ATAD2: variants seen among roughly 807,000 people sequenced by gnomAD.
The protein encoded by ATAD2 is ATPase family AAA domain-containing protein 2.
In ATAD2, 62 loss-of-function variants were observed where a neutral mutation model predicts 168.9. The ratio of observed to expected loss-of-function variants is 0.37; its 90% CI spans 0.30 to 0.45. The LOEUF (loss-of-function observed/expected upper bound fraction) is 0.45, where lower values mean the gene tolerates loss of function less well. Among genes scored for constraint, ATAD2 ranks in the 20% least tolerant of loss-of-function variants. The pLI is 1.00. For synonymous variants in ATAD2, 613 were observed against 571.6 expected, an observed-to-expected ratio of 1.07 and a Z score of -1.03; for missense variants, 1,419 against 1,667.8, an observed-to-expected ratio of 0.85 and a Z score of 2.60.
chr8:123,390,914 G>A (rs1034456863), intron 1 of ATAD2, among the ~76,000 whole-genome samples: 5 of 152,144 alleles, frequency 3.3e-5, no homozygotes, highest in Non-Finnish European at 7.4e-5. Flanking sequence ...CAGCTACTCC[G>A]GAGGCTGAGG....
intron 1 of ATAD2, among the ~76,000 whole-genome samples, chr8:123,413,231 C>T (rs1026325756): frequency 3.3e-5 from 5 of 149,654 alleles, no homozygotes; most frequent in African/African-American, 9.8e-5. Flanking sequence ...AGCGCCCCCC[C>T]CCCCCCAACT....
intron 2 of ATAD2, 58 bp from the exon 3 acceptor site, chr8:123,372,744 A>G: frequency 7.2e-7 from 1 of 1,392,394 alleles, no homozygotes. Flanking sequence ...ATTTTTATTT[A>G]TTTAGATGGG....
intron 1 of ATAD2, among the ~76,000 whole-genome samples, chr8:123,404,921 C>T (rs7837938): frequency 0.99 from 151,033 of 152,336 alleles, 74,873 homozygotes; most frequent in East Asian, 1. Context: ...TTTGAGATCT[C>T]AGTTATATCT....
intron 26 of ATAD2, among the ~76,000 whole-genome samples, chr8:123,324,723 T>A (rs528074293): frequency 6.6e-6 from 1 of 152,246 alleles, no homozygotes; most frequent in Admixed American, 6.5e-5. Flanking sequence ...GTTACAGATA[T>A]GGCAAGAAGA....
At chr8:123,373,334 C>T (rs946109431) in intron 2 of ATAD2, among the ~76,000 whole-genome samples, 3 of 152,086 alleles carry the variant, frequency 2.0e-5, no homozygotes, top group African/African-American at 7.2e-5. Flanking sequence ...TAGGTATGAG[C>T]CACCATACCT....
At chr8:123,381,816 G>A (rs956794764) in intron 1 of ATAD2, among the ~76,000 whole-genome samples, 2 of 152,104 alleles carry the variant, frequency 1.3e-5, no homozygotes, top group African/African-American at 4.8e-5. Context: ...TGAGGTGGGC[G>A]GATCACTTGA....
chr8:123,409,304 C>A (rs1344052196), intron 1 of ATAD2, among the ~76,000 whole-genome samples: 1 of 152,130 alleles, frequency 6.6e-6, no homozygotes, highest in African/African-American at 2.4e-5. Context: ...TATTGTGTTT[C>A]AACCCAGCCA....
intron 9 of ATAD2, 121 bp from the exon 10 acceptor site, chr8:123,359,806 TTAAGA>T (rs1270860124): frequency 6.1e-6 from 4 of 658,936 alleles, no homozygotes; most frequent in Non-Finnish European, 1.0e-5. Flanking sequence ...CGGAGCAATC[TTAAGA>T]TATGTATTTT....
chr8:123,354,697 G>A (rs964347206), intron 13 of ATAD2, among the ~76,000 whole-genome samples: 10 of 151,446 alleles, frequency 6.6e-5, no homozygotes, highest in Non-Finnish European at 1.3e-4. Flanking sequence ...ATTTAGCTGG[G>A]CATGGTGGGG....
chr8:123,328,863 C>T (rs963673737), intron 24 of ATAD2, among the ~76,000 whole-genome samples: 2 of 135,080 alleles, frequency 1.5e-5, no homozygotes, highest in Admixed American at 8.5e-5. Context: ...TGCAGTGGTG[C>T]GATCTCGGCT....
At chr8:123,404,674 C>G (rs1314797602) in intron 1 of ATAD2, among the ~76,000 whole-genome samples, 1 of 151,786 alleles carries the variant, frequency 6.6e-6, no homozygotes, top group African/African-American at 2.4e-5. Context: ...TCAAGTGATT[C>G]TCCTGCCTCA....
intron 1 of ATAD2, among the ~76,000 whole-genome samples, chr8:123,393,010 T>C (rs1296048654): frequency 3.9e-5 from 6 of 152,078 alleles, no homozygotes; most frequent in East Asian, 3.9e-4. Flanking sequence ...CGGTGAAACC[T>C]TGTCTCTACT....
chr8:123,334,115 C>T (rs1827851892), intron 23 of ATAD2, 85 bp downstream of exon 23: 1 of 1,544,088 alleles, frequency 6.5e-7, no homozygotes, highest in African/African-American at 1.4e-5. Flanking sequence ...CTGAAGCATC[C>T]TTTTCAGATG....
chr8:123,374,088 G>A (rs1490502341), intron 2 of ATAD2, among the ~76,000 whole-genome samples: 5 of 152,110 alleles, frequency 3.3e-5, no homozygotes, highest in Non-Finnish European at 7.3e-5. Context: ...CTTTTGGCTG[G>A]GCACAGTGGC....
At position 123,402,326 on chromosome 8, in the gene ATAD2, C is replaced by A. The variant is rs896600945; in HGVS notation, c.-2281-1151G>T. On this transcript the variant is annotated intron_variant, in intron 1 of 28. Coordinates refer to the ATAD2 transcript ENST00000521903. The surrounding 1 kb of genome is among the most constrained non-coding windows in gnomAD (Gnocchi z 4.8). Reference sequence around the variant, plus strand: ...CCCTGGGCCAGGCTGCCCTGGGAGGCCCCCAGAGCCCAGCCAGCTGGGCTT... The same window carrying A: ...CCCTGGGCCAGGCTGCCCTGGGAGGACCCCAGAGCCCAGCCAGCTGGGCTT... 6.6e-6 allele frequency among the ~76,000 whole-genome samples: 1 copy of A among 152,092 alleles called. No homozygotes were observed. Among genetic ancestry groups the A allele is most frequent in the Non-Finnish European group, 1.5e-5 (1 of 67,954 alleles).
Position 123,371,803 on chromosome 8 carries a change from C to A in ATAD2, c.403G>T (p.Ala135Ser). Residue 135 changes from alanine (A) to serine (S), a missense_variant, in exon 4 of 28, where the codon GCT (alanine) becomes TCT (serine). Physicochemically the swap from Ala to Ser is moderately conservative, Grantham distance 99. This residue lies in a region of ATAD2 where 419 missense variants were observed against 423.5 expected (regional missense o/e 0.99). Coordinates refer to ENST00000287394, the MANE Select transcript of ATAD2 (RefSeq NM_014109.4). ...KVIPVTRSLR[A>S]RNIVQSTEHL... ...TCTGTACTTTGAACGATGTTTCTAG[C>A]CCTCAATGACCGAGTAACTGGAATC... The A allele has an allele frequency of 1.9e-6, 3 of 1,605,342 alleles. No individual in the cohort carries two copies. Among genetic ancestry groups the A allele is most frequent in the Middle Eastern group, 1.7e-4 (1 of 6,036 alleles).
intron 1 of ATAD2, among the ~76,000 whole-genome samples, chr8:123,410,534 G>A (rs1461915479): frequency 2.1e-5 from 2 of 93,406 alleles, no homozygotes; most frequent in South Asian, 5.8e-4. Context: ...TGATCCACCC[G>A]CCTTGGCCTC....
intron 24 of ATAD2, among the ~76,000 whole-genome samples, chr8:123,330,639 G>C (rs1037005721): frequency 1.3e-5 from 2 of 152,206 alleles, no homozygotes; most frequent in African/African-American, 4.8e-5. Flanking sequence ...TGGGATTACA[G>C]GCGTGAGCCA....
chr8:123,389,513 G>A (rs1319534414), intron 1 of ATAD2, among the ~76,000 whole-genome samples: 3 of 151,308 alleles, frequency 2.0e-5, no homozygotes, highest in Admixed American at 1.3e-4. Flanking sequence ...GGTGGCGGGC[G>A]CCTGTAGTCC....
Sources: allele counts gnomAD v4.1 joint callset (sites outside exome capture counted in the v4.1 genomes callset), GRCh38; gene constraint gnomAD v4.1.1; regional missense constraint gnomAD v4.1.1; non-coding constraint Gnocchi (gnomAD v3.1); transcripts MANE v1.5; gene names NCBI Gene and HGNC (gene_info 2026-07-23, HGNC 2026-07-21).